MBOAT2: variants seen among roughly 807,000 people sequenced by gnomAD.
The protein encoded by MBOAT2 is membrane bound glycerophospholipid O-acyltransferase 2.
MBOAT2 carries 28 observed loss-of-function variants against 63.4 expected under a neutral mutation model. The observed-to-expected ratio is 0.44, with a 90% CI of 0.33 to 0.61. The LOEUF is 0.61. Ranked by LOEUF, MBOAT2 falls within the 20% of genes least tolerant of loss-of-function variation. The pLI, the probability that MBOAT2 is intolerant of heterozygous loss-of-function variation, is 0.03. For synonymous variants in MBOAT2, 211 were observed against 215.6 expected, an observed-to-expected ratio of 0.98 and a Z score of 0.19; for missense variants, 470 against 605.8, an observed-to-expected ratio of 0.78 and a Z score of 2.35.
intron 3 of MBOAT2, among the ~76,000 whole-genome samples, chr2:8,942,128 G>T (rs537735073): frequency 6.6e-6 from 1 of 152,304 alleles, no homozygotes; most frequent in South Asian, 2.1e-4. Flanking sequence ...TTGGTTTACA[G>T]AGGAAAAAGA....
At chr2:8,887,336 CCTCT>C (rs79951126) in intron 5 of MBOAT2, among the ~76,000 whole-genome samples, 3 of 150,930 alleles carry the variant, frequency 2.0e-5, no homozygotes, top group East Asian at 3.9e-4. Flanking sequence ...GAAAAATTCT[CCTCT>C]CTCTCTCTCT....
chr2:8,958,684 T>C, intron 1 of MBOAT2, 42 bp from the exon 2 acceptor site: 1 of 1,448,798 alleles, frequency 6.9e-7, no homozygotes, highest in Non-Finnish European at 9.1e-7. Context: ...AACACAGACC[T>C]GAATTTTTCA....
At chr2:8,981,150 AGAC>A (rs1558680739) in intron 1 of MBOAT2, among the ~76,000 whole-genome samples, 1 of 152,214 alleles carries the variant, frequency 6.6e-6, no homozygotes, top group Non-Finnish European at 1.5e-5. Context: ...GATCGAAAGT[AGAC>A]GAGTGGCTGC....
chr2:8,977,372 A>G (rs1403199440), intron 1 of MBOAT2, among the ~76,000 whole-genome samples: 1 of 152,174 alleles, frequency 6.6e-6, no homozygotes. Flanking sequence ...GAATGAATAC[A>G]GATGTGGAAT....
chr2:8,937,771 C>T (rs1667767651), intron 3 of MBOAT2, among the ~76,000 whole-genome samples: 1 of 152,108 alleles, frequency 6.6e-6, no homozygotes, highest in Non-Finnish European at 1.5e-5. Flanking sequence ...AGGCTGTATC[C>T]TAAACTCACT....
intron 1 of MBOAT2, among the ~76,000 whole-genome samples, chr2:8,966,439 T>C (rs1321819547): frequency 6.6e-6 from 1 of 152,238 alleles, no homozygotes; most frequent in Non-Finnish European, 1.5e-5. Flanking sequence ...TGACAGCTAG[T>C]TAGAAACAGA....
At chr2:8,868,617 G>A (rs1662074878) in intron 8 of MBOAT2, 68 bp from the exon 9 acceptor site, 3 of 1,264,548 alleles carry the variant, frequency 2.4e-6, no homozygotes, top group Non-Finnish European at 3.4e-6. Flanking sequence ...TCTCCCAGAA[G>A]GTATGTGTTA....
At chr2:8,965,001 C>G (rs62119982) in intron 1 of MBOAT2, among the ~76,000 whole-genome samples, 6,394 of 152,236 alleles carry the variant, frequency 0.042, 147 homozygotes, top group Non-Finnish European at 0.057. Flanking sequence ...TCTCAGTCTA[C>G]AGCTTAGTCT....
chr2:8,986,207 CAAA>C (rs749608343), intron 1 of MBOAT2, among the ~76,000 whole-genome samples: 1 of 74,388 alleles, frequency 1.3e-5, no homozygotes, highest in Non-Finnish European at 2.7e-5. Flanking sequence ...ACAAGGTCAC[CAAA>C]AAAAAAAAAA....
At chr2:8,939,462 A>G (rs1667895191) in intron 3 of MBOAT2, among the ~76,000 whole-genome samples, 2 of 152,262 alleles carry the variant, frequency 1.3e-5, no homozygotes, top group Non-Finnish European at 2.9e-5. Flanking sequence ...AGCACGGGGG[A>G]AAGATGTCTT....
chr2:8,943,267 A>G lies in MBOAT2; in HGVS notation c.222-3T>C. Reference sequence around the variant, plus strand: ...GTACAAGAAAGTGTAAGGCATACCTATAAAAAGTAAGAGCACTATTAGAAG... The same window carrying G: ...GTACAAGAAAGTGTAAGGCATACCTGTAAAAAGTAAGAGCACTATTAGAAG... On this transcript the variant is annotated splice_polypyrimidine_tract_variant and splice_region_variant and intron_variant, in intron 2 of 12. Coordinates refer to ENST00000305997, the MANE Select transcript of MBOAT2 (RefSeq NM_138799.4). 6.5e-7 allele frequency: 1 copy of G among 1,547,160 alleles called. No individual in the cohort carries two copies.
intron 1 of MBOAT2, among the ~76,000 whole-genome samples, chr2:8,982,530 GCTCTAGACAA>G (rs1671271058): frequency 6.6e-6 from 1 of 152,158 alleles, no homozygotes; most frequent in African/African-American, 2.4e-5. Flanking sequence ...CAAACAGTCA[GCTCTAGACAA>G]CTGTTTAGAT....
intron 1 of MBOAT2, among the ~76,000 whole-genome samples, chr2:8,992,856 C>A (rs1194425757): frequency 2.0e-5 from 3 of 152,230 alleles, no homozygotes; most frequent in African/African-American, 7.2e-5. Context: ...GAGCTTTCCC[C>A]ACTCCACAGG....
At chr2:8,973,766 A>G (rs1670627527) in intron 1 of MBOAT2, among the ~76,000 whole-genome samples, 1 of 152,172 alleles carries the variant, frequency 6.6e-6, no homozygotes, top group Non-Finnish European at 1.5e-5. Context: ...TTAAAATCAA[A>G]GTAAAATAAC....
At chr2:8,877,939 G>T (rs1368570573) in intron 6 of MBOAT2, among the ~76,000 whole-genome samples, 1 of 152,218 alleles carries the variant, frequency 6.6e-6, no homozygotes, top group African/African-American at 2.4e-5. Flanking sequence ...GAGATCAGAT[G>T]GGGCTTGCCT....
intron 8 of MBOAT2, among the ~76,000 whole-genome samples, chr2:8,870,582 G>A (rs575639383): frequency 1.6e-4 from 25 of 152,302 alleles, no homozygotes; most frequent in South Asian, 1.0e-3. Context: ...TGACAGGGGT[G>A]GAGATGAACG....
At chr2:8,879,489 T>C (rs1662948960) in intron 6 of MBOAT2, among the ~76,000 whole-genome samples, 1 of 152,232 alleles carries the variant, frequency 6.6e-6, no homozygotes. Flanking sequence ...TTGTAATGTA[T>C]AATATCAAAC....
intron 1 of MBOAT2, among the ~76,000 whole-genome samples, chr2:8,968,936 C>A (rs1045756610): frequency 7.2e-5 from 11 of 152,248 alleles, no homozygotes; most frequent in East Asian, 1.9e-4. Context: ...GAGAATGGAA[C>A]CAAGTGGAAA....
chr2:8,970,061 A>C (rs1182770690), intron 1 of MBOAT2, among the ~76,000 whole-genome samples: 1 of 152,238 alleles, frequency 6.6e-6, no homozygotes, highest in Non-Finnish European at 1.5e-5. Context: ...AATCAAAAGA[A>C]TATACATTCT....
Sources: gnomAD v4.1 joint callset for allele counts (sites outside exome capture counted in the v4.1 genomes callset) on GRCh38, gnomAD v4.1.1 for gene constraint, MANE v1.5 for transcripts, NCBI Gene and HGNC (gene_info 2026-07-23, HGNC 2026-07-21) for gene names.